PCDHA9: variants seen among roughly 807,000 people sequenced by gnomAD.
The protein encoded by PCDHA9 is protocadherin alpha 9, also known as protocadherin alpha-9.
PCDHA9 carries 62 observed loss-of-function variants against 62.0 expected under a neutral mutation model. The observed-to-expected ratio is 1.00, with a 90% CI of 0.81 to 1.23. The LOEUF is 1.23. Among genes scored for constraint, PCDHA9 ranks in the 50% most tolerant of loss-of-function variants. The pLI is 0.00. For missense variants in PCDHA9, 1,205 were observed against 1,249.8 expected (o/e 0.96, Z 0.54); for synonymous variants, 557 against 567.6 (o/e 0.98, Z 0.27).
intron 1 of PCDHA9, chr5:140,966,646 G>T (rs2096032297): frequency 4.4e-6 from 5 of 1,139,570 alleles, no homozygotes; most frequent in Non-Finnish European, 4.6e-6. Flanking sequence ...TTTCTAGAGC[G>T]TGAGCGGTGG....
intron 1 of PCDHA9, chr5:140,967,445 C>T (rs782571799): frequency 3.1e-6 from 5 of 1,613,550 alleles, no homozygotes; most frequent in Non-Finnish European, 4.2e-6. Flanking sequence ...CCACCTGGTT[C>T]TCACAGCCGT....
intron 1 of PCDHA9, chr5:140,865,276 A>C (rs1259929585): frequency 6.6e-6 from 1 of 152,182 alleles, no homozygotes; most frequent in African/African-American, 2.4e-5. Flanking sequence ...TTATATGTAA[A>C]ATTACTTTGC....
intron 1 of PCDHA9, chr5:140,876,955 G>A: frequency 6.2e-7 from 1 of 1,613,390 alleles, no homozygotes; most frequent in Non-Finnish European, 8.5e-7. Context: ...CTACTCGCTG[G>A]TGGAGCGGCG....
In PCDHA9 at chr5:140,850,534, C is replaced by A; in HGVS notation, c.2039C>A (p.Ser680Ter). ...VESGQAPKSSSRASVGATGPE... is the reference protein window; with the variant it reads ...VESGQAPKSS ...AGCGGCCAGGCGCCAAAGTCATCGT[C>A]GCGGGCGTCAGTGGGTGCCACGGGC... The change falls in exon 1 of 4, where the codon TCG becomes TAG. Residue 680 changes from serine (S) to a stop codon, truncating the protein, a stop_gained. Coordinates refer to ENST00000532602, the MANE Select transcript of PCDHA9 (RefSeq NM_031857.2). LOFTEE classifies it high-confidence loss of function. 1 of 1,598,276 alleles carries A rather than the reference C, an allele frequency of 6.3e-7. No individual in the cohort carries two copies. The highest frequency in any genetic ancestry group is 8.6e-7 in the Non-Finnish European group (1 of 1,167,810).
chr5:140,875,172 C>A (rs999085761), intron 1 of PCDHA9: 1 of 386,866 alleles, frequency 2.6e-6, no homozygotes. Context: ...AAAGTCGAAA[C>A]ATTAGAATTA....
intron 1 of PCDHA9, chr5:140,857,282 C>T: frequency 6.3e-7 from 1 of 1,598,744 alleles, no homozygotes; most frequent in Non-Finnish European, 8.6e-7. Flanking sequence ...GGACAGCGCT[C>T]TGGACCGCGA....
At chr5:140,982,665 A>T in intron 3 of PCDHA9, 102 bp downstream of exon 3, 1 of 1,465,322 alleles carries the variant, frequency 6.8e-7, no homozygotes, top group Non-Finnish European at 9.0e-7. Context: ...TTTCTTTTAT[A>T]TTTTTGTTAT....
chr5:140,877,440 G>A (rs372613448), intron 1 of PCDHA9: 9 of 1,613,710 alleles, frequency 5.6e-6, no homozygotes, highest in Non-Finnish European at 5.9e-6. Context: ...ACCACGGTGA[G>A]CCCGCGCTGA....
intron 1 of PCDHA9, among the ~76,000 whole-genome samples, chr5:140,958,824 A>G (rs1008923744): frequency 5.9e-5 from 9 of 152,158 alleles, no homozygotes; most frequent in Admixed American, 5.9e-4. Context: ...TAATTTTTAT[A>G]TCTTAAAGTT....
intron 1 of PCDHA9, among the ~76,000 whole-genome samples, chr5:140,915,719 T>A (rs545655335): frequency 6.6e-6 from 1 of 151,956 alleles, no homozygotes; most frequent in African/African-American, 2.4e-5. Flanking sequence ...GCCCCCACTT[T>A]GGATTGTGCT....
At chr5:140,890,707 T>A (rs1217575075) in intron 1 of PCDHA9, among the ~76,000 whole-genome samples, 1 of 152,206 alleles carries the variant, frequency 6.6e-6, no homozygotes, top group African/African-American at 2.4e-5. Context: ...CTTACATTTT[T>A]AAAATCTTTT....
chr5:140,884,804 T>A (rs1223470171), intron 1 of PCDHA9: 1 of 1,210,196 alleles, frequency 8.3e-7, no homozygotes, highest in Non-Finnish European at 1.1e-6. Flanking sequence ...ATTTAACAAC[T>A]CTGCTGTGGA....
chr5:140,974,944 T>C (rs1216786290), intron 1 of PCDHA9, among the ~76,000 whole-genome samples: 1 of 152,210 alleles, frequency 6.6e-6, no homozygotes, highest in African/African-American at 2.4e-5. Context: ...ACCTATTTGT[T>C]ATCTCACAGT....
In PCDHA9 at chr5:140,988,105, A is replaced by C. The variant is rs2097283158; in HGVS notation, c.2542+5542A>C. On this transcript the variant is annotated intron_variant, in intron 3 of 3. Transcript: ENST00000532602. ...TGAGTGCAGCCTCGGGCCTTGTTGGAGAATTTAGAAAGCATGCTGTTCCAC... is the reference window on the plus strand; with the variant it reads ...TGAGTGCAGCCTCGGGCCTTGTTGGCGAATTTAGAAAGCATGCTGTTCCAC... Among the ~76,000 whole-genome samples the C allele has an allele frequency of 2.6e-5, 4 of 152,138 alleles. No individual in the cohort carries two copies. In the South Asian group the frequency reaches 8.3e-4, roughly 32 times the overall value.
chr5:140,877,721 A>C, intron 1 of PCDHA9: 3 of 1,614,000 alleles, frequency 1.9e-6, no homozygotes, highest in Non-Finnish European at 2.5e-6. Context: ...AGTTGGTCTT[A>C]CTCGCAGCAG....
At chr5:140,943,083 C>A (rs1444637785) in intron 1 of PCDHA9, among the ~76,000 whole-genome samples, 1 of 151,532 alleles carries the variant, frequency 6.6e-6, no homozygotes, top group African/African-American at 2.4e-5. Flanking sequence ...ATGGTGAAAT[C>A]CTGCCTCTAC....
At chr5:140,946,092 G>T (rs985293430) in intron 1 of PCDHA9, among the ~76,000 whole-genome samples, 1 of 151,914 alleles carries the variant, frequency 6.6e-6, no homozygotes, top group Non-Finnish European at 1.5e-5. Context: ...CTGATAAGGA[G>T]TTAACATACC....
intron 1 of PCDHA9, chr5:140,928,259 A>G: frequency 6.2e-7 from 1 of 1,614,218 alleles, no homozygotes; most frequent in Non-Finnish European, 8.5e-7. Context: ...TTCGTTGCTG[A>G]AAACAATGGC....
intron 1 of PCDHA9, among the ~76,000 whole-genome samples, chr5:140,922,582 G>A (rs548638056): frequency 2.6e-5 from 4 of 152,276 alleles, no homozygotes; most frequent in Non-Finnish European, 4.4e-5. Context: ...CCCTGTAGCC[G>A]CCAGTTCTCA....
Sources: allele counts gnomAD v4.1 joint callset (sites outside exome capture counted in the v4.1 genomes callset), GRCh38; gene constraint gnomAD v4.1.1; transcripts MANE v1.5; gene names NCBI Gene and HGNC (gene_info 2026-07-23, HGNC 2026-07-21).